APC: variants seen among roughly 807,000 people sequenced by gnomAD.
APC encodes APC regulator of Wnt signaling pathway.
In APC, 72 loss-of-function variants were observed where a neutral mutation model predicts 247.0. The ratio of observed to expected loss-of-function variants is 0.29; its 90% CI spans 0.24 to 0.35. The LOEUF is 0.35. APC is among the 10% of genes least tolerant of loss of function. The pLI is 1.00. For missense variants in APC, 3,400 were observed against 3,360.7 expected, an observed-to-expected ratio of 1.01 and a Z score of -0.29; for synonymous variants, 1,254 against 1,162.5, an observed-to-expected ratio of 1.08 and a Z score of -1.60.
upstream of APC, among the ~76,000 whole-genome samples, chr5:112,733,126 G>C (rs930177708): frequency 1.3e-5 from 2 of 152,196 alleles, no homozygotes; most frequent in African/African-American, 4.8e-5. Flanking sequence ...GTAGCGAAGA[G>C]CTATATGAGT....
chr5:112,818,633 G>GATTAT (rs1762756270), intron 9 of APC, among the ~76,000 whole-genome samples: 1 of 152,104 alleles, frequency 6.6e-6, no homozygotes. Context: ...GTTTTTCACT[G>GATTAT]ATTATAGTCA....
chr5:112,809,701 G>C (rs920772124), intron 8 of APC, among the ~76,000 whole-genome samples: 2 of 152,052 alleles, frequency 1.3e-5, no homozygotes, highest in African/African-American at 4.8e-5. Context: ...TAAATGGAAG[G>C]TTAAAAAGTA....
intron 1 of APC, among the ~76,000 whole-genome samples, chr5:112,731,125 A>G (rs1272144896): frequency 2.6e-5 from 4 of 152,158 alleles, no homozygotes; most frequent in African/African-American, 9.7e-5. Flanking sequence ...TGCCAAAAGT[A>G]TAATTAACCA....
intron 11 of APC, among the ~76,000 whole-genome samples, chr5:112,822,858 G>T (rs1580545887): frequency 6.6e-6 from 1 of 152,262 alleles, no homozygotes; most frequent in South Asian, 2.1e-4. Context: ...TCTTAAAAGT[G>T]ATGAAGTCAT....
intron 14 of APC, among the ~76,000 whole-genome samples, chr5:112,832,056 T>G (rs1764355952): frequency 2.0e-5 from 3 of 152,222 alleles, no homozygotes; most frequent in African/African-American, 7.2e-5. Context: ...AGTTTTTCTA[T>G]TCTACCTTCA....
intron 8 of APC, among the ~76,000 whole-genome samples, chr5:112,807,002 G>A (rs755916459): frequency 6.6e-6 from 1 of 151,968 alleles, no homozygotes; most frequent in African/African-American, 2.4e-5. Context: ...GCATGGTGGC[G>A]TGCATCTGTA....
chr5:112,799,347 A>T (rs550777953), intron 7 of APC, among the ~76,000 whole-genome samples: 3 of 152,172 alleles, frequency 2.0e-5, no homozygotes, highest in Admixed American at 1.3e-4. Context: ...CACCATCATT[A>T]TTGAATTGTG....
upstream of APC, among the ~76,000 whole-genome samples, chr5:112,734,793 G>T (rs12515164): frequency 0.018 from 770 of 41,826 alleles, 7 homozygotes; most frequent in East Asian, 0.11. Context: ...GTGTGTGTGT[G>T]TTTTTTTTTT....
rs2149926720 is a variant in APC at position 112,840,488 on chromosome 5, T to C, written c.4894T>C (p.Phe1632Leu). Residue 1632 changes from phenylalanine (F) to leucine (L), a missense_variant, in exon 16 of 16, where the codon TTT becomes CTT. By Grantham distance (22) the Phe-to-Leu change is conservative (BLOSUM62 0). Transcript: ENST00000257430. This position sits in a 1 kb window ranked among gnomAD's most constrained non-coding sequence, Gnocchi z 4.1. ...GTTGCAACCCCAAAAGCATGTTAGTTTTACACCGGGGGATGATATGCCACG... is the reference window on the plus strand; with the variant it reads ...GTTGCAACCCCAAAAGCATGTTAGTCTTACACCGGGGGATGATATGCCACG... Reference protein sequence around the residue: ...NRLQPQKHVSFTPGDDMPRVY... With the variant: ...NRLQPQKHVSLTPGDDMPRVY... The C allele has an allele frequency of 6.2e-7, 1 of 1,614,112 alleles. No individual in the cohort carries two copies. Among genetic ancestry groups the C allele is most frequent in the Non-Finnish European group, 8.5e-7 (1 of 1,180,002 alleles).
chr5:112,827,503 A>T (rs1233275365), intron 12 of APC, among the ~76,000 whole-genome samples: 3 of 151,926 alleles, frequency 2.0e-5, no homozygotes, highest in Non-Finnish European at 4.4e-5. Flanking sequence ...ATAAGAATAT[A>T]CTTGTAGGGA....
At chr5:112,784,780 G>C (rs568221450) in intron 6 of APC, among the ~76,000 whole-genome samples, 1 of 152,144 alleles carries the variant, frequency 6.6e-6, no homozygotes, top group Non-Finnish European at 1.5e-5. Context: ...AATAAGAATA[G>C]AATGAAAGTT....
intron 6 of APC, among the ~76,000 whole-genome samples, chr5:112,788,788 G>A (rs1227240008): frequency 3.3e-5 from 5 of 152,162 alleles, no homozygotes; most frequent in Non-Finnish European, 7.4e-5. Context: ...TAAGTGAAAA[G>A]TATCCAGCAG....
At position 112,842,626 on chromosome 5, in the gene APC, A is replaced by G. The variant is rs753728632; in HGVS notation, c.7032A>G (p.Gln2344=). ...NGISPPNKLS[Q]LPRTSSPSTA... ...TAAGTCCTCCTAACAAATTATCTCA[A>G]CTTCCAAGGACATCATCCCCTAGTA... The change falls in exon 16 of 16, where the codon CAA becomes CAG. Residue 2344 remains glutamine, a synonymous_variant. Coordinates refer to ENST00000257430, the MANE Select transcript of APC (RefSeq NM_000038.6). 5 of 1,613,738 alleles carry G rather than the reference A, an allele frequency of 3.1e-6. No individual in the cohort carries two copies. Among genetic ancestry groups the G allele is most frequent in the African/African-American group, 1.3e-5 (1 of 74,884 alleles).
intron 2 of APC, among the ~76,000 whole-genome samples, chr5:112,758,549 A>T (rs377695074): frequency 1.3e-5 from 2 of 151,678 alleles, no homozygotes; most frequent in South Asian, 2.1e-4. Flanking sequence ...CTGGTCTCGA[A>T]CTCCTGACCT....
At chr5:112,736,764 C>G (rs566781465), upstream of APC, among the ~76,000 whole-genome samples, 10 of 151,978 alleles carry the variant, frequency 6.6e-5, no homozygotes, top group African/African-American at 1.2e-4. Context: ...AAATACAAAA[C>G]TTAGCTGGGC....
intron 3 of APC, among the ~76,000 whole-genome samples, chr5:112,766,861 G>A (rs1756392711): frequency 1.3e-5 from 2 of 152,116 alleles, no homozygotes; most frequent in African/African-American, 4.8e-5. Context: ...TTCTCATTCT[G>A]TTGCTTGAAA....
chr5:112,718,863 CTT>C (rs1269233390), intron 1 of APC, among the ~76,000 whole-genome samples: 1 of 152,130 alleles, frequency 6.6e-6, no homozygotes, highest in Non-Finnish European at 1.5e-5. Flanking sequence ...TTAGCCATTC[CTT>C]TGTGTTAGGG....
At chr5:112,835,345 T>G (rs1487642777) in intron 15 of APC, among the ~76,000 whole-genome samples, 180 bp downstream of exon 15, 1 of 152,210 alleles carries the variant, frequency 6.6e-6, no homozygotes, top group East Asian at 1.9e-4. Context: ...AATAACAGTT[T>G]ATAGTATTAT....
intron 7 of APC, among the ~76,000 whole-genome samples, chr5:112,797,803 G>C (rs1760371786): frequency 6.6e-6 from 1 of 152,082 alleles, no homozygotes; most frequent in African/African-American, 2.4e-5. Context: ...CACCACAGAA[G>C]GTATATATAG....
Sources: allele counts gnomAD v4.1 joint callset (sites outside exome capture counted in the v4.1 genomes callset), GRCh38; gene constraint gnomAD v4.1.1; non-coding constraint Gnocchi (gnomAD v3.1); transcripts MANE v1.5; gene names NCBI Gene and HGNC (gene_info 2026-07-23, HGNC 2026-07-21).